The following OSGIN2 variants were observed in gnomAD, a reference collection of about 807,000 sequenced individuals.
OSGIN2 encodes oxidative stress induced growth inhibitor family member 2.
A neutral mutation model predicts 53.8 loss-of-function variants in OSGIN2; 19 were observed. That is an observed-to-expected ratio of 0.35 (90% CI 0.25 to 0.52). The LOEUF (loss-of-function observed/expected upper bound fraction) is 0.52, where lower values mean the gene tolerates loss of function less well. Among genes scored for constraint, OSGIN2 ranks in the 20% least tolerant of loss-of-function variants. The pLI is 0.95. For synonymous variants in OSGIN2, 236 were observed against 236.0 expected, an observed-to-expected ratio of 1.00 and a Z score of 0.00; for missense variants, 520 against 662.7, an observed-to-expected ratio of 0.78 and a Z score of 2.36.
intron 2 of OSGIN2, 102 bp downstream of exon 2, chr8:89,909,823 T>C (rs766304888): frequency 1.4e-6 from 1 of 738,282 alleles, no homozygotes; most frequent in Non-Finnish European, 2.0e-6. Flanking sequence ...TTGAAAAGTA[T>C]TCTTAGGTGG....
chr8:89,913,715 A>G (rs541391371), intron 2 of OSGIN2, among the ~76,000 whole-genome samples: 44 of 152,344 alleles, frequency 2.9e-4, no homozygotes, highest in Non-Finnish European at 5.1e-4. Flanking sequence ...GGGCACCTCA[A>G]TGAAGGGACT....
In OSGIN2 at chr8:89,914,723, G is replaced by A. The variant is rs761126870; in HGVS notation, c.505G>A (p.Gly169Ser). 6.2e-7 allele frequency: 1 copy of A among 1,613,516 alleles called. No homozygotes were observed. The highest frequency in any genetic ancestry group is 8.5e-7 in the Non-Finnish European group (1 of 1,179,600). The change falls in exon 4 of 6, where the codon GGT (glycine) becomes AGT (serine). Residue 169 changes from glycine (G) to serine (S), a missense_variant. Physicochemically the swap from Gly to Ser is moderately conservative, Grantham distance 56. This residue lies in a region of OSGIN2 where 203 missense variants were observed against 275.3 expected (regional missense o/e 0.74). Transcript: ENST00000451899. ...TATCCCTCACGTAGTTCTTGGTAAA[G>A]GTCCACCTGGTGGGGCTTGGCATGT... ...HYIPHVVLGK[G>S]PPGGAWHNME...
chr8:89,918,947 C>CT (rs1384847091), intron 4 of OSGIN2, among the ~76,000 whole-genome samples: 3 of 152,286 alleles, frequency 2.0e-5, no homozygotes, highest in Admixed American at 1.3e-4. Context: ...AAATGGTTTT[C>CT]TTACTCATTG....
At chr8:89,909,011 CAA>C (rs35635974) in intron 1 of OSGIN2, among the ~76,000 whole-genome samples, 480 of 38,340 alleles carry the variant, frequency 0.013, 2 homozygotes, top group African/African-American at 0.059. Flanking sequence ...ACCTTGTTTC[CAA>C]AAAAAAAAAA....
chr8:89,902,914 G>A, intron 1 of OSGIN2, 77 bp downstream of exon 1: 1 of 1,086,248 alleles, frequency 9.2e-7, no homozygotes, highest in Non-Finnish European at 1.2e-6. Context: ...GGCCCGGGCC[G>A]GGACCGGGGT....
At chr8:89,922,066 T>C (rs142009424) in intron 5 of OSGIN2, among the ~76,000 whole-genome samples, 28 of 152,064 alleles carry the variant, frequency 1.8e-4, no homozygotes, top group African/African-American at 5.8e-4. Context: ...AAAAGAGAAA[T>C]ATGAAAATCC....
chr8:89,913,441 T>C (rs1224129886), intron 2 of OSGIN2, among the ~76,000 whole-genome samples: 1 of 151,848 alleles, frequency 6.6e-6, no homozygotes, highest in Non-Finnish European at 1.5e-5. Flanking sequence ...AAACAAACAA[T>C]GAAGACCTTT....
At position 89,909,641 on chromosome 8, in the gene OSGIN2, G is replaced by A. The variant is rs368949793; in HGVS notation, c.119G>A (p.Arg40Gln). ...CAATACTTTGGTGACAACTTGGGGC[G>A]AAAAGTTAAAGCGATGCCATTAGTT... ...LVQYFGDNLG[R>Q]KVKAMPLVEE... is the part of the protein sequence containing the mutation. Residue 40 changes from arginine to glutamine, a missense_variant, in exon 2 of 6, where the codon CGA becomes CAA. Around this residue, in one of 3 missense-constraint regions of OSGIN2, gnomAD observed 203 missense variants for 275.3 expected, o/e 0.74. Transcript: ENST00000451899. 121 of 1,610,256 alleles carry A rather than the reference G, an allele frequency of 7.5e-5. No individual in the cohort carries two copies. The highest frequency in any genetic ancestry group is 7.1e-4 in the African/African-American group (53 of 74,760).
intron 1 of OSGIN2, 23 bp downstream of exon 1, chr8:89,902,860 G>A (rs1326844884): frequency 1.1e-5 from 15 of 1,367,304 alleles, no homozygotes; most frequent in Non-Finnish European, 1.4e-5. Flanking sequence ...CCGGGGATGG[G>A]AGGGGAGCAG....
chr8:89,903,044 T>C (rs144315086), intron 1 of OSGIN2, among the ~76,000 whole-genome samples: 319 of 152,258 alleles, frequency 2.1e-3, no homozygotes, highest in African/African-American at 7.3e-3. Context: ...CTGTTCCCTT[T>C]TCTCGCTCTG....
At chr8:89,917,377 T>C (rs1809101827) in intron 4 of OSGIN2, among the ~76,000 whole-genome samples, 1 of 152,254 alleles carries the variant, frequency 6.6e-6, no homozygotes, top group South Asian at 2.1e-4. Context: ...CTCCAGGCTG[T>C]GATCTTCATA....
chr8:89,905,332 C>T (rs547004987), intron 1 of OSGIN2, among the ~76,000 whole-genome samples: 2 of 152,094 alleles, frequency 1.3e-5, no homozygotes, highest in African/African-American at 4.8e-5. Context: ...TGTAATTGTA[C>T]ATATTTTCCA....
intron 4 of OSGIN2, among the ~76,000 whole-genome samples, chr8:89,916,430 CTGTGAAGG>C (rs1478060217): frequency 2.0e-5 from 3 of 152,166 alleles, no homozygotes; most frequent in African/African-American, 7.2e-5. Flanking sequence ...GTCATCACCT[CTGTGAAGG>C]TTCCTAATGT....
At chr8:89,903,209 ATAATG>A (rs533342287) in intron 1 of OSGIN2, among the ~76,000 whole-genome samples, 24 of 152,244 alleles carry the variant, frequency 1.6e-4, no homozygotes, top group Non-Finnish European at 3.2e-4. Flanking sequence ...AGTCTTCTAA[ATAATG>A]TAATGAGTGG....
intron 2 of OSGIN2, among the ~76,000 whole-genome samples, chr8:89,912,130 T>C (rs1023617900): frequency 6.6e-6 from 1 of 152,204 alleles, no homozygotes; most frequent in Non-Finnish European, 1.5e-5. Flanking sequence ...GGAACAGGAT[T>C]TTTTCTTTGC....
intron 1 of OSGIN2, 123 bp downstream of exon 1, chr8:89,902,960 C>A: frequency 2.0e-6 from 1 of 504,966 alleles, no homozygotes; most frequent in East Asian, 4.4e-5. Context: ...GTCCTCCCGC[C>A]TCGGCCGTCC....
At chr8:89,906,984 C>A (rs1808852439) in intron 1 of OSGIN2, among the ~76,000 whole-genome samples, 1 of 152,070 alleles carries the variant, frequency 6.6e-6, no homozygotes. Context: ...TAGATGGTGC[C>A]TCATTGTGGT....
At chr8:89,909,995 T>C (rs529454318) in intron 2 of OSGIN2, among the ~76,000 whole-genome samples, 1 of 152,342 alleles carries the variant, frequency 6.6e-6, no homozygotes, top group Admixed American at 6.5e-5. Flanking sequence ...GACAGTGTCA[T>C]GGTAATGTGA....
Position 89,902,748 on chromosome 8 carries a change from AGGCGGCCAC to A in OSGIN2, c.-38_-30del, listed in dbSNP as rs1278852489. The stretch of plus-strand genomic sequence containing the variant: ...CGGGCAGCCTCGCCGGGGGAGGCGG[AGGCGGCCAC>A]GGCGGCCGCGCTCGGGCGCCCCTCG... On this transcript the variant is annotated 5_prime_UTR_variant, in exon 1 of 6. Coordinates refer to ENST00000451899, the MANE Select transcript of OSGIN2 (RefSeq NM_001126111.3). The A allele has an allele frequency of 4.3e-6, 5 of 1,154,648 alleles. No homozygotes were observed. The Admixed American group carries it at 1.4e-4, about 32-fold the overall frequency. 71.5% of individuals were successfully genotyped at this position (1,154,648 alleles called of 1,614,324 possible).
Sources: gnomAD v4.1 joint callset for allele counts (sites outside exome capture counted in the v4.1 genomes callset) on GRCh38, gnomAD v4.1.1 for gene constraint, gnomAD v4.1.1 regional missense constraint, MANE v1.5 for transcripts, NCBI Gene and HGNC (gene_info 2026-07-23, HGNC 2026-07-21) for gene names.